Variants in NFATC3 observed in about 807,000 individuals in gnomAD.
NFATC3 encodes the protein nuclear factor of activated T cells 3.
NFATC3 carries 46 observed loss-of-function variants against 98.6 expected under a neutral mutation model. The observed-to-expected ratio is 0.47, with a 90% CI of 0.37 to 0.60. NFATC3 has a LOEUF of 0.60. Among genes scored for constraint, NFATC3 ranks in the 20% least tolerant of loss-of-function variants. NFATC3 has a pLI of 0.00. For synonymous variants in NFATC3, 512 were observed against 472.2 expected (o/e 1.08, Z -1.09); for missense variants, 1,256 against 1,295.5 (o/e 0.97, Z 0.47).
intron 1 of NFATC3, chr16:68,089,398 T>A: frequency 1.5e-6 from 1 of 665,488 alleles, no homozygotes; most frequent in Non-Finnish European, 1.9e-6. Context: ...TTTTTTCCAT[T>A]AAAGAAAATT....
At position 68,098,308 on chromosome 16, in the gene NFATC3, T is replaced by A. The variant is rs1346902383; in HGVS notation, c.103+12524T>A. ...TTATTATTATTATTATTATTTTTTT[T>A]TTTTTTTTTTTAGATGGAGTCTCAC... On this transcript the variant is annotated intron_variant, in intron 1 of 9. Transcript: ENST00000346183. 2.3e-3 allele frequency among the ~76,000 whole-genome samples: 313 copies of A among 133,544 alleles called. 3 individuals carry two copies. Among genetic ancestry groups the A allele is most frequent in the African/African-American group, 7.5e-3 (271 of 35,946 alleles). The allele number at this position is 133,544 out of a possible 152,430, so 87.6% of individuals were successfully genotyped here.
At chr16:68,226,292 C>T in intron 9 of NFATC3, 58 bp from the exon 10 acceptor site, 2 of 1,525,510 alleles carry the variant, frequency 1.3e-6, no homozygotes, top group Non-Finnish European at 1.7e-6. Flanking sequence ...CAGCGTTGGG[C>T]ATCATATGGC....
chr16:68,105,789 C>G (rs1268933880), intron 1 of NFATC3, among the ~76,000 whole-genome samples: 1 of 152,130 alleles, frequency 6.6e-6, no homozygotes, highest in Admixed American at 6.5e-5. Flanking sequence ...TCTTTTTCTT[C>G]TGAGTCAGTT....
rs201035978 is a variant in NFATC3 at position 68,191,389 on chromosome 16, C to T, written c.2720C>T (p.Ser907Leu). Residue 907 changes from serine (S) to leucine (L), a missense_variant, in exon 9 of 10, where the codon TCG becomes TTG. Ser to Leu is a moderately radical substitution (Grantham distance 145). Coordinates refer to ENST00000346183, the MANE Select transcript of NFATC3 (RefSeq NM_173165.3). ...GCTGACCAGATTACAGGTCAGCCTT[C>T]GTCTCAGTTACAACCTATTACATAT... ...PVADQITGQPSSQLQPITYGP... is the reference protein window; with the variant it reads ...PVADQITGQPLSQLQPITYGP... 119 of 1,614,146 alleles carry T rather than the reference C, an allele frequency of 7.4e-5. No homozygotes were observed. Among genetic ancestry groups the T allele is most frequent in the Middle Eastern group, 6.6e-4 (4 of 6,062 alleles).
chr16:68,223,589 G>A (rs566641125), intron 9 of NFATC3, among the ~76,000 whole-genome samples: 3 of 152,124 alleles, frequency 2.0e-5, no homozygotes, highest in East Asian at 1.9e-4. Flanking sequence ...GTAACAGAGC[G>A]AGACCCTGTC....
chr16:68,196,506 GA>G (rs757039263), intron 9 of NFATC3, among the ~76,000 whole-genome samples: 3 of 151,888 alleles, frequency 2.0e-5, no homozygotes, highest in Non-Finnish European at 2.9e-5. Context: ...TAGATGCCTA[GA>G]AAAAAAAGTT....
At chr16:68,103,671 T>TTTTAGCTCTTATA (rs2035489629) in intron 1 of NFATC3, among the ~76,000 whole-genome samples, 1 of 152,254 alleles carries the variant, frequency 6.6e-6, no homozygotes, top group Non-Finnish European at 1.5e-5. Context: ...AGTTTTATGC[T>TTTTAGCTCTTATA]TTTAGCTCTT....
chr16:68,174,320 G>T lies in NFATC3; in HGVS notation c.1775-54G>T. The stretch of plus-strand genomic sequence containing the variant: ...TTGAGTTTGTCATTTATGTATCAAA[G>T]ATTTTTAACTAATATTTTGTTTTTT... On this transcript the variant is annotated intron_variant, in intron 5 of 9. Transcript: ENST00000346183. 4 of 1,310,434 alleles carry T rather than the reference G, an allele frequency of 3.1e-6. No homozygotes were observed. The South Asian group carries it at 7.2e-5, about 24-fold the overall frequency. The allele number at this position is 1,310,434 out of a possible 1,614,324, so 81.2% of individuals were successfully genotyped here.
At chr16:68,112,268 CTTTTTTTTTTTTT>C (rs768228927) in intron 1 of NFATC3, among the ~76,000 whole-genome samples, 14 of 77,424 alleles carry the variant, frequency 1.8e-4, no homozygotes, top group Admixed American at 4.2e-4. Flanking sequence ...TAGGTTCAGT[CTTTTTTTTTTTTT>C]TTTTTTTTTT....
At chr16:68,200,020 T>C (rs1007278857) in intron 9 of NFATC3, 1 of 152,232 alleles carries the variant, frequency 6.6e-6, no homozygotes. Context: ...GAGTTCTAAC[T>C]ACTCTTCTTG....
chr16:68,198,919 G>A (rs968128676), intron 9 of NFATC3, among the ~76,000 whole-genome samples: 5 of 152,052 alleles, frequency 3.3e-5, no homozygotes, highest in African/African-American at 1.2e-4. Flanking sequence ...ATGGTGGTGC[G>A]TGCCTGTAGT....
intron 9 of NFATC3, among the ~76,000 whole-genome samples, chr16:68,199,169 T>C (rs1426009062): frequency 6.6e-6 from 1 of 151,952 alleles, no homozygotes; most frequent in East Asian, 2.0e-4. Flanking sequence ...TGAGCTGAGA[T>C]TGCGCCACTG....
intron 9 of NFATC3, among the ~76,000 whole-genome samples, chr16:68,211,510 TTTGTTGTTG>T (rs200230482): frequency 1.0e-4 from 15 of 144,960 alleles, no homozygotes; most frequent in South Asian, 2.2e-4. Flanking sequence ...GTAAATGTTT[TTTGTTGTTG>T]TTGTTGTTGT....
chr16:68,096,549 A>G (rs1214658370), intron 1 of NFATC3, among the ~76,000 whole-genome samples: 1 of 152,230 alleles, frequency 6.6e-6, no homozygotes, highest in Non-Finnish European at 1.5e-5. Flanking sequence ...ATTAAATATA[A>G]TTCAGTCTAT....
At chr16:68,109,542 T>C (rs1347805584) in intron 1 of NFATC3, among the ~76,000 whole-genome samples, 1 of 152,200 alleles carries the variant, frequency 6.6e-6, no homozygotes, top group Non-Finnish European at 1.5e-5. Context: ...TTTCTTTTTT[T>C]GTTATATCTC....
At chr16:68,214,955 C>T (rs568825761) in intron 9 of NFATC3, among the ~76,000 whole-genome samples, 1 of 152,310 alleles carries the variant, frequency 6.6e-6, no homozygotes, top group East Asian at 1.9e-4. Context: ...GTGTCTGTGT[C>T]TAGGCTTAGG....
At chr16:68,163,534 G>T (rs1405788489) in intron 4 of NFATC3, among the ~76,000 whole-genome samples, 1 of 151,782 alleles carries the variant, frequency 6.6e-6, no homozygotes, top group East Asian at 2.0e-4. Flanking sequence ...CGGCTGGCCT[G>T]GTGGGGGCTG....
At chr16:68,146,621 G>A (rs147759479) in intron 3 of NFATC3, among the ~76,000 whole-genome samples, 8 of 152,072 alleles carry the variant, frequency 5.3e-5, no homozygotes, top group African/African-American at 1.9e-4. Flanking sequence ...ACAATGTGTT[G>A]TCATGGGTCT....
intron 3 of NFATC3, among the ~76,000 whole-genome samples, chr16:68,156,349 T>G (rs2038616520): frequency 6.6e-6 from 1 of 151,674 alleles, no homozygotes; most frequent in Non-Finnish European, 1.5e-5. Context: ...CAAAAACAAA[T>G]GGATAATGAT....
Sources: gnomAD v4.1 joint callset for allele counts (sites outside exome capture counted in the v4.1 genomes callset) on GRCh38, gnomAD v4.1.1 for gene constraint, MANE v1.5 for transcripts, NCBI Gene and HGNC (gene_info 2026-07-23, HGNC 2026-07-21) for gene names.